SPINK5: variants seen among roughly 807,000 people sequenced by gnomAD.
The protein encoded by SPINK5 is serine peptidase inhibitor Kazal type 5.
A neutral mutation model predicts 151.8 loss-of-function variants in SPINK5; 125 were observed. The observed-to-expected ratio is 0.82, with a 90% confidence interval of 0.71 to 0.96. The LOEUF (loss-of-function observed/expected upper bound fraction) is 0.96. Ranked by LOEUF, SPINK5 falls within the 40% of genes least tolerant of loss-of-function variation. SPINK5 has a pLI of 0.00. For synonymous variants in SPINK5, 374 were observed against 395.3 expected, an observed-to-expected ratio of 0.95 and a Z score of 0.64; for missense variants, 1,194 against 1,291.9, an observed-to-expected ratio of 0.92 and a Z score of 1.16.
At chr5:148,101,000 G>C (rs1753627754) in intron 13 of SPINK5, among the ~76,000 whole-genome samples, 1 of 152,094 alleles carries the variant, frequency 6.6e-6, no homozygotes, top group Non-Finnish European at 1.5e-5. Flanking sequence ...TATCAGTACA[G>C]ACTTTACAGG....
intron 18 of SPINK5, 70 bp downstream of exon 18, chr5:148,108,907 C>G: frequency 6.3e-7 from 1 of 1,596,224 alleles, no homozygotes. Context: ...GGCTCCTATT[C>G]CCTCCTCCTC....
At chr5:148,120,893 C>G (rs1424048756) in intron 26 of SPINK5, among the ~76,000 whole-genome samples, 4 of 151,652 alleles carry the variant, frequency 2.6e-5, no homozygotes, top group Non-Finnish European at 5.9e-5. Context: ...GCCTATAATC[C>G]CAGCACTTTG....
intron 23 of SPINK5, 83 bp downstream of exon 23, chr5:148,118,647 C>G: frequency 1.3e-6 from 2 of 1,533,508 alleles, no homozygotes; most frequent in South Asian, 2.3e-5. Context: ...TGCTATGGCT[C>G]CTTCCATGCA....
rs536693555 is a variant in SPINK5, at chr5:148,096,035, G to T, written c.882+130G>T. ...TATTTTCCACACTACTAGTAGGTTT[G>T]CTGGAAACTAATTTCTAGTTATTAT... On this transcript the variant is annotated intron_variant, in intron 10 of 32. Transcript: ENST00000256084. The T allele has an allele frequency of 7.0e-6, 5 of 713,790 alleles. No homozygotes were observed. The African/African-American group carries it at 9.0e-5, about 13-fold the overall frequency. 44.2% of individuals were successfully genotyped at this position (713,790 alleles called of 1,614,324 possible).
Position 148,124,838 on chromosome 5 carries a change from G to A in SPINK5, c.2739+1G>A. On this transcript the variant is annotated splice_donor_variant, in intron 28 of 32. Coordinates refer to ENST00000256084, the MANE Select transcript of SPINK5 (RefSeq NM_006846.4). LOFTEE classifies it high-confidence loss of function. ...TAGCAAGCCCTCAAATAATGCAAAG[G>A]TTATTTATTAAAGGATACCAAAATA... 6.3e-7 allele frequency: 1 copy of A among 1,594,538 alleles called. No homozygotes were observed.
chr5:148,100,495 A>G lies in SPINK5; in HGVS notation c.1134A>G (p.Lys378=), dbSNP rs777273756. Residue 378 remains lysine (K), a synonymous_variant, in exon 13 of 33, where the codon AAA becomes AAG. Transcript: ENST00000256084. ...ATCGAAAGCTTGTGAGGAACGGAAA[A>G]CTTGCTTGCACCAGAGAGAACGATC... ...SEYRKLVRNG[K]LACTRENDPI... is the part of the protein sequence containing the mutation. 11 of 1,612,906 alleles carry G rather than the reference A, an allele frequency of 6.8e-6. No homozygotes were observed. In the African/African-American group the frequency reaches 1.5e-4, roughly 22 times the overall value.
intron 7 of SPINK5, 33 bp from the exon 8 acceptor site, chr5:148,091,132 A>G: frequency 1.3e-6 from 2 of 1,587,628 alleles, no homozygotes; most frequent in Non-Finnish European, 1.7e-6. Context: ...TGATTGAGTC[A>G]TAAACTGACC....
chr5:148,119,089 C>G lies in SPINK5; in HGVS notation c.2313+31C>G, dbSNP rs9325073. On this transcript the variant is annotated intron_variant, in intron 24 of 32. Transcript: ENST00000256084. ...TTATTTTTTGGGTTTTGGCAAGAAT[C>G]GTCTTTCTGTGAGTCAGCAGTTGGC... The G allele has an allele frequency of 0.77, 1,234,251 of 1,603,952 alleles. 476,989 individuals carry two copies. Among genetic ancestry groups the G allele is most frequent in the East Asian group, 0.91 (40,779 of 44,780 alleles).
rs1387884910 is a variant in SPINK5 at position 148,105,004 on chromosome 5, A to G, written c.1479+4A>G. On this transcript the variant is annotated splice_donor_region_variant and intron_variant, in intron 16 of 32. Coordinates refer to ENST00000256084, the MANE Select transcript of SPINK5 (RefSeq NM_006846.4). ...GGCTAAAAGAGAAGCTGCAAAGGTA[A>G]TATTCTCAGGAATGCTGATGCTGTG... 1.9e-6 allele frequency: 3 copies of G among 1,613,714 alleles called. No homozygotes were observed. The highest frequency in any genetic ancestry group is 2.5e-6 in the Non-Finnish European group (3 of 1,179,798).
intron 4 of SPINK5, among the ~76,000 whole-genome samples, chr5:148,074,502 C>CTATG (rs143765979): frequency 0.034 from 5,142 of 151,834 alleles, 148 homozygotes; most frequent in East Asian, 0.13. Flanking sequence ...TCACACGAGT[C>CTATG]TGTGTGTTTC....
At chr5:148,114,269 T>C in intron 20 of SPINK5, 93 bp from the exon 21 acceptor site, 1 of 1,138,002 alleles carries the variant, frequency 8.8e-7, no homozygotes, top group South Asian at 1.4e-5. Flanking sequence ...ATTTTCTCTC[T>C]CTTTTTTTTT....
intron 18 of SPINK5, among the ~76,000 whole-genome samples, chr5:148,110,041 A>G (rs1753882895): frequency 6.6e-6 from 1 of 152,094 alleles, no homozygotes; most frequent in East Asian, 1.9e-4. Context: ...TGGTTAAAAA[A>G]CTGGACTCTA....
chr5:148,119,340 TC>T (rs1210397000), intron 24 of SPINK5, among the ~76,000 whole-genome samples: 1 of 152,226 alleles, frequency 6.6e-6, no homozygotes, highest in Non-Finnish European at 1.5e-5. Flanking sequence ...TAACCTTATT[TC>T]GTAGATAGGG....
chr5:148,070,518 T>C, intron 3 of SPINK5, 68 bp downstream of exon 3: 1 of 1,594,328 alleles, frequency 6.3e-7, no homozygotes, highest in East Asian at 2.3e-5. Flanking sequence ...CTGGTAAATG[T>C]ATTCTTTTTC....
chr5:148,083,049 G>T, intron 4 of SPINK5, among the ~76,000 whole-genome samples: 1 of 150,264 alleles, frequency 6.7e-6, no homozygotes, highest in East Asian at 2.0e-4. Flanking sequence ...TCCAGTTATT[G>T]ATTTATTTAA....
chr5:148,096,364 GC>G (rs1157711029), intron 10 of SPINK5, among the ~76,000 whole-genome samples: 1 of 151,794 alleles, frequency 6.6e-6, no homozygotes, highest in Non-Finnish European at 1.5e-5. Context: ...TACCCTCTTA[GC>G]TCAGACACTT....
rs765218965 is a variant in SPINK5, at chr5:148,094,428, T to C, written c.741T>C (p.Arg247=). 1 of 1,612,762 alleles carries C rather than the reference T, an allele frequency of 6.2e-7. No homozygotes were observed. Among genetic ancestry groups the C allele is most frequent in the African/African-American group, 1.3e-5 (1 of 74,820 alleles). ...LFCTRESDPV[R]GPDGRMHGNK... ...GTACACGGGAGAGTGATCCAGTCCG[T>C]GGCCCTGACGGCAGGATGCATGGCA... The change falls in exon 9 of 33, where the codon CGT becomes CGC. Residue 247 remains arginine (R), a synonymous_variant. Coordinates refer to ENST00000256084, the MANE Select transcript of SPINK5 (RefSeq NM_006846.4).
intron 21 of SPINK5, among the ~76,000 whole-genome samples, chr5:148,115,375 A>G (rs1283635721): frequency 6.6e-6 from 1 of 152,230 alleles, no homozygotes; most frequent in African/African-American, 2.4e-5. Flanking sequence ...AAAGTTGTTC[A>G]GATAGGACAG....
At chr5:148,094,941 C>T (rs898123130) in intron 9 of SPINK5, among the ~76,000 whole-genome samples, 1 of 151,854 alleles carries the variant, frequency 6.6e-6, no homozygotes, top group South Asian at 2.1e-4. Context: ...GGGAGAAGGG[C>T]AAATCTCACA....
Sources: gnomAD v4.1 joint callset for allele counts (sites outside exome capture counted in the v4.1 genomes callset) on GRCh38, gnomAD v4.1.1 for gene constraint, MANE v1.5 for transcripts, NCBI Gene and HGNC (gene_info 2026-07-23, HGNC 2026-07-21) for gene names.